SHPK: variants seen among roughly 807,000 people sequenced by gnomAD.
SHPK encodes the protein carbohydrate kinase-like protein.
Under a neutral mutation model 46.3 loss-of-function variants are expected in SHPK, and 51 were observed. That is an observed-to-expected ratio of 1.10 (90% CI 0.88 to 1.39). The LOEUF (loss-of-function observed/expected upper bound fraction) is 1.39. Among genes scored for constraint, SHPK ranks in the 40% most tolerant of loss-of-function variants. The probability of loss-of-function intolerance (pLI) is 0.00; values close to 1 mark genes in which losing one functional copy is unlikely to be tolerated. For synonymous variants in SHPK, 290 were observed against 273.9 expected, an observed-to-expected ratio of 1.06 and a Z score of -0.58; for missense variants, 668 against 641.3, an observed-to-expected ratio of 1.04 and a Z score of -0.45.
At chr17:3,634,673 G>C (rs1340262650) in intron 1 of SHPK, among the ~76,000 whole-genome samples, 1 of 151,762 alleles carries the variant, frequency 6.6e-6, no homozygotes. Context: ...CACCCCACCA[G>C]GGTCAGAGCC....
rs11311796 is a variant in SHPK at position 3,634,571 on chromosome 17, CAAAAAAAAAA to C, written c.168+1471_168+1480del. Among the ~76,000 whole-genome samples the C allele has an allele frequency of 4.5e-5, 4 of 89,760 alleles. No homozygotes were observed. The East Asian group carries it at 9.3e-4, about 21-fold the overall frequency. The allele number at this position is 89,760 out of a possible 152,430, so 58.9% of individuals were successfully genotyped here. A position where few individuals can be genotyped will look rare whatever the true frequency, so the allele number is the denominator to read the frequency against. Reference sequence around the variant, plus strand: ...TGGGTGACAGAGCGAGACCCTGTCTCAAAAAAAAAAAAAAAAAAAAAAGAAGTGCTCTATT... The same window carrying C: ...TGGGTGACAGAGCGAGACCCTGTCTCAAAAAAAAAAAAGAAGTGCTCTATT... On this transcript the variant is annotated intron_variant, in intron 1 of 6. Transcript: ENST00000225519.
At chr17:3,625,592 T>C (rs919995965) in intron 2 of SHPK, among the ~76,000 whole-genome samples, 5 of 151,952 alleles carry the variant, frequency 3.3e-5, no homozygotes, top group African/African-American at 1.2e-4. Context: ...GACCAGTCTG[T>C]CCACCAGTTG....
At chr17:3,615,300 A>G in intron 6 of SHPK, 37 bp downstream of exon 6, 1 of 1,596,794 alleles carries the variant, frequency 6.3e-7, no homozygotes, top group South Asian at 1.1e-5. Context: ...TAGAAAGGAC[A>G]GGCAGAGAAC....
intron 1 of SHPK, among the ~76,000 whole-genome samples, chr17:3,634,959 G>A (rs1239357742): frequency 6.6e-6 from 1 of 151,892 alleles, no homozygotes. Context: ...ATCACTTGAG[G>A]TCAGGAGTTC....
chr17:3,634,608 C>T (rs1487824459), intron 1 of SHPK, among the ~76,000 whole-genome samples: 2 of 147,268 alleles, frequency 1.4e-5, no homozygotes, highest in Non-Finnish European at 3.0e-5. Context: ...TGCTCTATTT[C>T]AGGAGAAACT....
At chr17:3,633,263 G>A (rs572939799) in intron 1 of SHPK, among the ~76,000 whole-genome samples, 2 of 151,986 alleles carry the variant, frequency 1.3e-5, no homozygotes, top group Non-Finnish European at 1.5e-5. Flanking sequence ...TTACAGGCAA[G>A]AGCCACCGCG....
chr17:3,610,472 G>A lies in SHPK; in HGVS notation c.*88C>T, dbSNP rs949726630. On this transcript the variant is annotated 3_prime_UTR_variant, in exon 7 of 7. Coordinates refer to ENST00000225519, the MANE Select transcript of SHPK (RefSeq NM_013276.4). ...ACTGCTTGAAAGCTGTCCACTGAAC[G>A]GTCCAGGGAAAGGATGACCCACAGA... The A allele has an allele frequency of 1.8e-5, 24 of 1,360,174 alleles. No homozygotes were observed. The highest frequency in any genetic ancestry group is 1.9e-4 in the Middle Eastern group (1 of 5,372). The allele number at this position is 1,360,174 out of a possible 1,614,324, so 84.3% of individuals were successfully genotyped here.
rs568596979 is a variant in SHPK, at chr17:3,623,550, G to A, written c.495-59C>T. 2.9e-4 allele frequency: 452 copies of A among 1,532,466 alleles called. 1 individual carries two copies. Among genetic ancestry groups the A allele is most frequent in the Admixed American group, 6.0e-4 (36 of 59,816 alleles). The allele number at this position is 1,532,466 out of a possible 1,614,324, so 94.9% of individuals were successfully genotyped here. A position where few individuals can be genotyped will look rare whatever the true frequency, so the allele number is the denominator to read the frequency against. On this transcript the variant is annotated intron_variant, in intron 3 of 6. Transcript: ENST00000225519. ...TAACATGAACTCGGAAGCATGTGCCGCACCTAGCTGCAGGCAGCAGGGACC... is the reference window on the plus strand; with the variant it reads ...TAACATGAACTCGGAAGCATGTGCCACACCTAGCTGCAGGCAGCAGGGACC...
At chr17:3,633,516 T>C (rs1351832950) in intron 1 of SHPK, among the ~76,000 whole-genome samples, 1 of 151,970 alleles carries the variant, frequency 6.6e-6, no homozygotes, top group Non-Finnish European at 1.5e-5. Flanking sequence ...AACCCTGCTA[T>C]ATAGACTAAC....
Position 3,630,175 on chromosome 17 carries a change from A to C in SHPK, c.310+30T>G, listed in dbSNP as rs372074267. On this transcript the variant is annotated intron_variant, in intron 2 of 6. Coordinates refer to ENST00000225519, the MANE Select transcript of SHPK (RefSeq NM_013276.4). ...TCTAGTTCTGGAAGTGACTGCTACC[A>C]GCCTGAGAGCATCCCCGAGCCCAGC... 31 of 1,613,648 alleles carry C rather than the reference A, an allele frequency of 1.9e-5. No homozygotes were observed. In the African/African-American group the frequency reaches 3.9e-4, roughly 20 times the overall value.
intron 2 of SHPK, 50 bp downstream of exon 2, chr17:3,630,155 T>A: frequency 6.2e-7 from 1 of 1,611,014 alleles, no homozygotes. Context: ...ACTGCTCTAG[T>A]TCTGGAAGTG....
At chr17:3,635,658 T>C (rs1310915131) in intron 1 of SHPK, among the ~76,000 whole-genome samples, 1 of 152,190 alleles carries the variant, frequency 6.6e-6, no homozygotes, top group Admixed American at 6.5e-5. Flanking sequence ...AACTGAATCC[T>C]GAACTTGAGG....
chr17:3,614,484 T>G (rs1390186718), intron 6 of SHPK, among the ~76,000 whole-genome samples: 1 of 143,004 alleles, frequency 7.0e-6, no homozygotes, highest in Admixed American at 7.1e-5. Context: ...GAGATCGCAC[T>G]ACTGCACTCC....
chr17:3,636,110 C>T lies in SHPK; in HGVS notation c.110G>A (p.Ser37Asn). The part of the protein sequence containing the change: ...DDPSGFAVLA[S>N]CARAARAEAA... Reference sequence around the variant, plus strand: ...CTCTGCCCGCGCAGCACGGGCACAGCTCGCCAGCACTGCGAACCCGGATGG... The same window carrying T: ...CTCTGCCCGCGCAGCACGGGCACAGTTCGCCAGCACTGCGAACCCGGATGG... Residue 37 changes from serine (S) to asparagine (N), a missense_variant, in exon 1 of 7, where the codon AGC becomes AAC. By Grantham distance (46) the Ser-to-Asn change is conservative (BLOSUM62 1). Transcript: ENST00000225519. 6.2e-7 allele frequency: 1 copy of T among 1,607,376 alleles called. No homozygotes were observed. Among genetic ancestry groups the T allele is most frequent in the Non-Finnish European group, 8.5e-7 (1 of 1,177,278 alleles).
At chr17:3,626,639 G>A (rs964023631) in intron 2 of SHPK, among the ~76,000 whole-genome samples, 4 of 151,192 alleles carry the variant, frequency 2.6e-5, no homozygotes, top group South Asian at 2.1e-4. Flanking sequence ...GGAGAATGGC[G>A]TGAACCTGGG....
At chr17:3,633,831 G>A (rs1006628980) in intron 1 of SHPK, among the ~76,000 whole-genome samples, 4 of 152,152 alleles carry the variant, frequency 2.6e-5, no homozygotes, top group Non-Finnish European at 5.9e-5. Flanking sequence ...AGAAAAGGGG[G>A]AAAGGTGGGG....
At position 3,610,669 on chromosome 17, in the gene SHPK, T is replaced by C; in HGVS notation, c.1328A>G (p.Glu443Gly). ...GGGCAAAGGGAAAGCCCTCTGCACC[T>C]CCTGCTTCAGCACGTCATTCCTGGA... The part of the protein sequence containing the change: ...ALSRNDVLKQ[E>G]VQRAFPLPMS... Residue 443 changes from glutamate (E) to glycine (G), a missense_variant, in exon 7 of 7, where the codon GAG (glutamate) becomes GGG (glycine). Coordinates refer to ENST00000225519, the MANE Select transcript of SHPK (RefSeq NM_013276.4). 1 of 1,614,050 alleles carries C rather than the reference T, an allele frequency of 6.2e-7. No homozygotes were observed. The highest frequency in any genetic ancestry group is 2.2e-5 in the East Asian group (1 of 44,880).
chr17:3,625,783 T>C (rs897343674), intron 2 of SHPK, among the ~76,000 whole-genome samples: 3 of 152,240 alleles, frequency 2.0e-5, no homozygotes, highest in Admixed American at 6.5e-5. Context: ...TCAGGCACGG[T>C]GGCTCACGCC....
chr17:3,616,398 G>A (rs1413527446), intron 5 of SHPK, among the ~76,000 whole-genome samples: 3 of 152,134 alleles, frequency 2.0e-5, no homozygotes, highest in Non-Finnish European at 4.4e-5. Flanking sequence ...GGGAACTGAG[G>A]CCTTCTACCA....
Sources: gnomAD v4.1 joint callset for allele counts (sites outside exome capture counted in the v4.1 genomes callset) on GRCh38, gnomAD v4.1.1 for gene constraint, MANE v1.5 for transcripts, NCBI Gene and HGNC (gene_info 2026-07-23, HGNC 2026-07-21) for gene names.